Variants in LRP5 observed in about 807,000 individuals in gnomAD.
LRP5 encodes low-density lipoprotein receptor-related protein 5.
LRP5 carries 62 observed loss-of-function variants against 154.1 expected under a neutral mutation model. That is an observed-to-expected ratio of 0.40 (90% CI 0.33 to 0.50). LRP5 has a LOEUF of 0.50. Among genes scored for constraint, LRP5 ranks in the 20% least tolerant of loss-of-function variants. The pLI is 0.55. For synonymous variants in LRP5, 966 were observed against 1,011.5 expected (o/e 0.96, Z 0.85); for missense variants, 1,915 against 2,336.7 (o/e 0.82, Z 3.72).
chr11:68,322,499 G>T (rs1418274650), intron 1 of LRP5, among the ~76,000 whole-genome samples: 1 of 152,048 alleles, frequency 6.6e-6, no homozygotes, highest in African/African-American at 2.4e-5. Context: ...TTTTGGCCTG[G>T]CAGGCCGTGC....
upstream of LRP5, among the ~76,000 whole-genome samples, chr11:68,310,169 G>GGGT (rs1201885100): frequency 9.2e-5 from 14 of 152,312 alleles, no homozygotes; most frequent in Admixed American, 4.6e-4. Context: ...TGGCAATAGT[G>GGGT]GGTGGTGGTG....
intron 5 of LRP5, among the ~76,000 whole-genome samples, chr11:68,371,614 A>G (rs1389198886): frequency 6.6e-6 from 1 of 152,214 alleles, no homozygotes; most frequent in Admixed American, 6.5e-5. Context: ...GCCCATTGGT[A>G]TTGCGGCCGT....
Position 68,446,543 on chromosome 11 carries a change from C to G in LRP5, c.4586+10C>G. On this transcript the variant is annotated intron_variant, in intron 22 of 22. Transcript: ENST00000294304. ...CTGCGAGACCGTACAGGTAGGACATCCCCTGCAGCCCTCCATGGCCATTGG... is the reference window on the plus strand; with the variant it reads ...CTGCGAGACCGTACAGGTAGGACATGCCCTGCAGCCCTCCATGGCCATTGG... The G allele has an allele frequency of 6.2e-7, 1 of 1,606,926 alleles. No homozygotes were observed. Among genetic ancestry groups the G allele is most frequent in the Admixed American group, 1.7e-5 (1 of 60,016 alleles).
At chr11:68,383,808 G>A (rs1159800206) in intron 5 of LRP5, among the ~76,000 whole-genome samples, 2 of 152,160 alleles carry the variant, frequency 1.3e-5, no homozygotes, top group Non-Finnish European at 2.9e-5. Flanking sequence ...GGTGGCGGGA[G>A]GAACAGCTTC....
the LRP5 span, among the ~76,000 whole-genome samples, chr11:68,306,574 G>T: frequency 6.6e-6 from 1 of 152,190 alleles, no homozygotes; most frequent in Admixed American, 6.5e-5. Flanking sequence ...AACATTCACA[G>T]GTCCCAGGGA....
chr11:68,401,774 C>T (rs919645539), intron 7 of LRP5, among the ~76,000 whole-genome samples: 1 of 152,110 alleles, frequency 6.6e-6, no homozygotes, highest in African/African-American at 2.4e-5. Flanking sequence ...CTGCAATCTT[C>T]GCTAGCTGCG....
At chr11:68,387,163 G>A (rs1168309209) in intron 6 of LRP5, among the ~76,000 whole-genome samples, 9 of 150,730 alleles carry the variant, frequency 6.0e-5, no homozygotes, top group Non-Finnish European at 1.3e-4. Context: ...CGCCCAGGCT[G>A]GAGTGCAGTG....
chr11:68,421,241 C>G (rs2153171764), intron 13 of LRP5, among the ~76,000 whole-genome samples: 1 of 152,074 alleles, frequency 6.6e-6, no homozygotes, highest in East Asian at 1.9e-4. Flanking sequence ...AAAACTCTGT[C>G]TCACGCAAGA....
chr11:68,324,203 T>C (rs1345470050), intron 1 of LRP5, among the ~76,000 whole-genome samples: 1 of 152,254 alleles, frequency 6.6e-6, no homozygotes, highest in Non-Finnish European at 1.5e-5. Context: ...CCTGTCCCTG[T>C]GGAGCAGGTG....
In LRP5 at chr11:68,446,512, C is replaced by T. The variant is rs200624778; in HGVS notation, c.4565C>T (p.Pro1522Leu). The T allele has an allele frequency of 2.3e-4, 371 of 1,614,048 alleles. No individual in the cohort carries two copies. Among genetic ancestry groups the T allele is most frequent in the Non-Finnish European group, 2.3e-4 (275 of 1,179,942 alleles). Residue 1522 changes from proline (P) to leucine (L), a missense_variant, in exon 22 of 23, where the codon CCG becomes CTG. Around this residue, in one of 3 missense-constraint regions of LRP5, gnomAD observed 1,094 missense variants for 1,210.1 expected, o/e 0.90. Coordinates refer to ENST00000294304, the MANE Select transcript of LRP5 (RefSeq NM_002335.4). ...GACATGTTCTACTCTTCAAACATTC[C>T]GGCCACTGCGAGACCGTACAGGTAG... The part of the protein sequence containing the change: ...NMDMFYSSNI[P>L]ATARPYRPYI...
chr11:68,419,574 C>G (rs1324861562), intron 13 of LRP5, among the ~76,000 whole-genome samples: 2 of 149,284 alleles, frequency 1.3e-5, no homozygotes, highest in African/African-American at 5.0e-5. Flanking sequence ...GAGTCTCACT[C>G]TATCGCCCAG....
chr11:68,299,335 G>C, the LRP5 span, among the ~76,000 whole-genome samples: 2 of 152,196 alleles, frequency 1.3e-5, no homozygotes, highest in East Asian at 3.9e-4. Flanking sequence ...GGAGGCTGGA[G>C]GTGGCTCAAG....
chr11:68,448,233 C>T (rs1028690582), intron 22 of LRP5, among the ~76,000 whole-genome samples: 3 of 152,218 alleles, frequency 2.0e-5, no homozygotes, highest in Non-Finnish European at 2.9e-5. Context: ...ATGATTCAAT[C>T]ATCTCCCACT....
At chr11:68,444,530 G>T (rs999856413) in intron 21 of LRP5, among the ~76,000 whole-genome samples, 2 of 149,948 alleles carry the variant, frequency 1.3e-5, no homozygotes, top group Non-Finnish European at 3.0e-5. Flanking sequence ...CAACAACAAC[G>T]CAGGAATAGC....
intron 17 of LRP5, among the ~76,000 whole-genome samples, chr11:68,430,669 CAG>C (rs2098671383): frequency 6.6e-6 from 1 of 152,188 alleles, no homozygotes. Context: ...CAGTTATTGA[CAG>C]GGGTGTGGAG....
chr11:68,405,664 G>C (rs2098655248), intron 8 of LRP5, among the ~76,000 whole-genome samples: 1 of 152,134 alleles, frequency 6.6e-6, no homozygotes, highest in South Asian at 2.1e-4. Flanking sequence ...AAGGAGATGG[G>C]AAAAAGGATT....
intron 1 of LRP5, among the ~76,000 whole-genome samples, chr11:68,341,059 C>CTTTTTTTTTTTTTTTTTTGTTTTTTTT (rs2098608786): frequency 1.2e-5 from 1 of 83,496 alleles, no homozygotes; most frequent in African/African-American, 4.8e-5. Context: ...GGAGATTGTT[C>CTTTTTTTTTTTTTTTTTTGTTTTTTTT]TTTTTTTTTT....
In LRP5 at chr11:68,423,972, CT is replaced by C. The variant is rs1315153349; in HGVS notation, c.3236+277del. Among the ~76,000 whole-genome samples the C allele has an allele frequency of 1.9e-4, 29 of 152,348 alleles. No homozygotes were observed. In the East Asian group the frequency reaches 2.1e-3, roughly 11 times the overall value. ...TGCAGTTGATAGGTTTTGTATCATC[CT>C]TGTTAAACTTGAACCCTGTGCAGAA... On this transcript the variant is annotated intron_variant, in intron 14 of 22. Transcript: ENST00000294304. This position sits in a 1 kb window ranked among gnomAD's most constrained non-coding sequence, Gnocchi z 4.7.
At chr11:68,430,493 A>C (rs1194194985) in intron 17 of LRP5, among the ~76,000 whole-genome samples, 4 of 152,232 alleles carry the variant, frequency 2.6e-5, no homozygotes, top group African/African-American at 9.6e-5. Context: ...TTTATCACCC[A>C]GCATCATGCA....
Sources: allele counts gnomAD v4.1 joint callset (sites outside exome capture counted in the v4.1 genomes callset), GRCh38; gene constraint gnomAD v4.1.1; regional missense constraint gnomAD v4.1.1; non-coding constraint Gnocchi (gnomAD v3.1); transcripts MANE v1.5; gene names NCBI Gene and HGNC (gene_info 2026-07-23, HGNC 2026-07-21).